SMAD4: variants seen among roughly 807,000 people sequenced by gnomAD.
SMAD4 encodes SMAD family member 4, also known as MAD homolog 4.
SMAD4 carries 7 observed loss-of-function variants against 63.2 expected under a neutral mutation model. That is an observed-to-expected ratio of 0.11 (90% CI 0.06 to 0.21). The LOEUF (loss-of-function observed/expected upper bound fraction) is 0.21. Among genes scored for constraint, SMAD4 ranks in the 10% least tolerant of loss-of-function variants. The pLI is 1.00. For missense variants in SMAD4, 312 were observed against 693.8 expected (o/e 0.45, Z 6.18); for synonymous variants, 215 against 235.4 (o/e 0.91, Z 0.79).
chr18:51,041,111 T>A (rs1909366510), intron 1 of SMAD4, among the ~76,000 whole-genome samples: 1 of 152,158 alleles, frequency 6.6e-6, no homozygotes, highest in Admixed American at 6.5e-5. Flanking sequence ...TTACCGCTTT[T>A]CTGGTAATTG....
In SMAD4 at chr18:51,061,604, TAATACA is replaced by T. The variant is rs1599192556; in HGVS notation, c.955+1689_955+1694del. On this transcript the variant is annotated intron_variant, in intron 8 of 11. Coordinates refer to ENST00000342988, the MANE Select transcript of SMAD4 (RefSeq NM_005359.6). ...ATAAAGAATTTTAAGCATACCGGAA[TAATACA>T]GGAAGTTCCCCCATTGTACTCATTC... Among the ~76,000 whole-genome samples the T allele has an allele frequency of 1.9e-4, 29 of 152,340 alleles. No homozygotes were observed. In the East Asian group the frequency reaches 5.4e-3, roughly 28 times the overall value.
At chr18:51,038,704 C>G (rs1015152104) in intron 1 of SMAD4, among the ~76,000 whole-genome samples, 22 of 152,170 alleles carry the variant, frequency 1.4e-4, no homozygotes, top group African/African-American at 5.3e-4. Flanking sequence ...CAGTGTTACT[C>G]TGATTCCTGA....
intron 7 of SMAD4, among the ~76,000 whole-genome samples, chr18:51,059,235 G>A (rs1432911921): frequency 6.6e-6 from 1 of 152,154 alleles, no homozygotes; most frequent in Non-Finnish European, 1.5e-5. Flanking sequence ...TTAAGAGAAT[G>A]TAATTTTTAA....
intron 10 of SMAD4, among the ~76,000 whole-genome samples, chr18:51,067,656 G>A (rs781639660): frequency 1.3e-5 from 2 of 152,008 alleles, no homozygotes; most frequent in East Asian, 1.9e-4. Flanking sequence ...AAAGTGATCC[G>A]CCCAACTTGG....
intron 10 of SMAD4, among the ~76,000 whole-genome samples, chr18:51,070,635 G>T (rs895222255): frequency 2.6e-5 from 4 of 152,106 alleles, no homozygotes; most frequent in Admixed American, 2.6e-4. Context: ...AATATTAAAT[G>T]AAAAATTCCA....
Position 51,063,632 on chromosome 18 carries a change from T to C in SMAD4, c.956-1791T>C, listed in dbSNP as rs568333170. 4.6e-5 allele frequency among the ~76,000 whole-genome samples: 7 copies of C among 152,074 alleles called. No homozygotes were observed. In the South Asian group the frequency reaches 1.2e-3, roughly 27 times the overall value. ...TTCACCATGTTGCCCAGGCTGGCCT[T>C]GACCTCCTGGGCTCAAGTGATCTGC... On this transcript the variant is annotated intron_variant, in intron 8 of 11. Transcript: ENST00000342988.
At chr18:51,046,367 T>A (rs1482180443) in intron 1 of SMAD4, among the ~76,000 whole-genome samples, 1 of 152,168 alleles carries the variant, frequency 6.6e-6, no homozygotes. Context: ...CGAGCATCTT[T>A]CATGTGCTTA....
At chr18:51,056,773 T>G (rs1172137703) in intron 5 of SMAD4, among the ~76,000 whole-genome samples, 1 of 152,156 alleles carries the variant, frequency 6.6e-6, no homozygotes, top group East Asian at 1.9e-4. Context: ...TACTTAGAAT[T>G]GTATAAGGGA....
intron 10 of SMAD4, among the ~76,000 whole-genome samples, chr18:51,070,242 A>G (rs189148401): frequency 6.6e-6 from 1 of 152,214 alleles, no homozygotes; most frequent in African/African-American, 2.4e-5. Context: ...ATAATGTGGA[A>G]TCGTGCAAGT....
Position 51,078,485 on chromosome 18 carries a change from G to T in SMAD4, c.*18G>T. 1 of 1,549,892 alleles carries T rather than the reference G, an allele frequency of 6.5e-7. No individual in the cohort carries two copies. The highest frequency in any genetic ancestry group is 2.2e-5 in the East Asian group (1 of 44,542). ...TAGACTGAGGTCTTTTACCGTTGGG[G>T]CCCTTAACCTTATCAGGATGGTGGA... On this transcript the variant is annotated 3_prime_UTR_variant, in exon 12 of 12. Transcript: ENST00000342988.
At chr18:51,065,723 A>G (rs2056625566) in intron 9 of SMAD4, 117 bp downstream of exon 9, 6 of 785,722 alleles carry the variant, frequency 7.6e-6, no homozygotes, top group Non-Finnish European at 7.8e-6. Context: ...AAATAAAGGA[A>G]TAAAGGTCAT....
chr18:51,033,373 A>G (rs1909107902), intron 1 of SMAD4, among the ~76,000 whole-genome samples: 1 of 152,194 alleles, frequency 6.6e-6, no homozygotes, highest in Non-Finnish European at 1.5e-5. Context: ...TGTTTTTAGT[A>G]GAGACGAGGT....
At chr18:51,040,094 AT>A (rs1175121987) in intron 1 of SMAD4, among the ~76,000 whole-genome samples, 1 of 152,096 alleles carries the variant, frequency 6.6e-6, no homozygotes, top group Non-Finnish European at 1.5e-5. Context: ...ACATTGATAT[AT>A]TACCAGGCCC....
intron 10 of SMAD4, among the ~76,000 whole-genome samples, chr18:51,076,175 A>C (rs578158049): frequency 1.8e-4 from 28 of 152,286 alleles, no homozygotes; most frequent in Admixed American, 1.6e-3. Context: ...AAAAATGTTG[A>C]TCTCTCTTAT....
rs780135239 is a variant in SMAD4, at chr18:51,080,936, C to T, written c.*2469C>T. ...TTTGTTAAGAAGTATCTCTTTGGAG[C>T]CAAGCCACCTGTCTTGGTTTCTTTC... is the stretch of plus-strand genomic sequence containing the variant. On this transcript the variant is annotated 3_prime_UTR_variant, in exon 12 of 12. Coordinates refer to ENST00000342988, the MANE Select transcript of SMAD4 (RefSeq NM_005359.6). The T allele has an allele frequency of 3.6e-5, 7 of 194,870 alleles. No individual in the cohort carries two copies. Among genetic ancestry groups the T allele is most frequent in the Non-Finnish European group, 6.4e-5 (6 of 93,948 alleles). The allele number at this position is 194,870 out of a possible 1,614,324, so 12.1% of individuals were successfully genotyped here. A position where few individuals can be genotyped will look rare whatever the true frequency, so the allele number is the denominator to read the frequency against.
intron 4 of SMAD4, chr18:51,052,690 T>A: frequency 3.7e-6 from 1 of 267,220 alleles, no homozygotes; most frequent in South Asian, 3.5e-5. Context: ...TGAAAAGAAG[T>A]GCTCCCACCC....
In SMAD4 at chr18:51,080,755, G is replaced by T. The variant is rs1371619192; in HGVS notation, c.*2288G>T. On this transcript the variant is annotated 3_prime_UTR_variant, in exon 12 of 12. Coordinates refer to ENST00000342988, the MANE Select transcript of SMAD4 (RefSeq NM_005359.6). ...CGGGGTTTTGCCTGTTGGCCAGGCT[G>T]GTCTTGAACTCCTGACCTCAAGTGA... 1 of 172,876 alleles carries T rather than the reference G, an allele frequency of 5.8e-6. No homozygotes were observed. The highest frequency in any genetic ancestry group is 6.4e-5 in the Admixed American group (1 of 15,712). The allele number at this position is 172,876 out of a possible 1,614,324, so 10.7% of individuals were successfully genotyped here.
intron 4 of SMAD4, among the ~76,000 whole-genome samples, chr18:51,051,796 C>G (rs964116135): frequency 4.6e-5 from 7 of 151,852 alleles, no homozygotes; most frequent in Non-Finnish European, 1.0e-4. Flanking sequence ...TTCTTTGACC[C>G]TCTTAGAACA....
At chr18:51,035,492 C>T (rs1031082028) in intron 1 of SMAD4, among the ~76,000 whole-genome samples, 6 of 152,044 alleles carry the variant, frequency 3.9e-5, no homozygotes, top group Admixed American at 3.9e-4. Context: ...GCCTGGGCAA[C>T]AAAGTGAGAC....
Sources: allele counts gnomAD v4.1 joint callset (sites outside exome capture counted in the v4.1 genomes callset), GRCh38; gene constraint gnomAD v4.1.1; transcripts MANE v1.5; gene names NCBI Gene and HGNC (gene_info 2026-07-23, HGNC 2026-07-21).